TACR1: variants seen among roughly 807,000 people sequenced by gnomAD.
The protein encoded by TACR1 is substance-P receptor.
In TACR1, 25 loss-of-function variants were observed where a neutral mutation model predicts 35.8. The observed-to-expected ratio is 0.70, with a 90% CI of 0.51 to 0.98. The LOEUF is 0.98. TACR1 is among the 50% of genes least tolerant of loss of function. TACR1 has a pLI of 0.00. For synonymous variants in TACR1, 195 were observed against 206.7 expected (o/e 0.94, Z 0.48); for missense variants, 478 against 522.9 (o/e 0.91, Z 0.84).
intron 1 of TACR1, among the ~76,000 whole-genome samples, chr2:75,163,386 A>G (rs1327794889): frequency 6.6e-6 from 1 of 152,240 alleles, no homozygotes; most frequent in African/African-American, 2.4e-5. Context: ...GAATCAGTTC[A>G]CAGCAGTACA....
At chr2:75,171,940 G>A (rs554637666) in intron 1 of TACR1, among the ~76,000 whole-genome samples, 12 of 152,238 alleles carry the variant, frequency 7.9e-5, no homozygotes, top group East Asian at 1.9e-4. Context: ...TGAAGTGAGC[G>A]AAGACTTTGG....
At chr2:75,094,838 C>CATATATATATATATATATATAT (rs770472061) in intron 2 of TACR1, among the ~76,000 whole-genome samples, 21 of 119,822 alleles carry the variant, frequency 1.8e-4, no homozygotes, top group African/African-American at 8.8e-4. Context: ...GAAGCAGAAA[C>CATATATATATATATATATATAT]ATATATATAT....
chr2:75,076,133 G>C (rs950839472), intron 2 of TACR1, among the ~76,000 whole-genome samples: 2 of 152,142 alleles, frequency 1.3e-5, no homozygotes, highest in Non-Finnish European at 2.9e-5. Context: ...CCTTCTGTTA[G>C]ACCTTAGTTT....
rs71939246 is a variant in TACR1 at position 75,078,283 on chromosome 2, G to GT, written c.585-24529dup. On this transcript the variant is annotated intron_variant, in intron 2 of 4. Transcript: ENST00000305249. ...CTCTTTTGAACTTGGAGTTTTGCATGTTTTTTTTTTTTAAGTTGCATGACC... is the reference window on the plus strand; with the variant it reads ...CTCTTTTGAACTTGGAGTTTTGCATGTTTTTTTTTTTTTAAGTTGCATGACC... Among the ~76,000 whole-genome samples, 1,047 of 144,678 alleles carry GT rather than the reference G, an allele frequency of 7.2e-3. 13 individuals are homozygous for GT. The highest frequency in any genetic ancestry group is 0.019 in the East Asian group (95 of 4,992). The allele number at this position is 144,678 out of a possible 152,430, so 94.9% of individuals were successfully genotyped here. A position where few individuals can be genotyped will look rare whatever the true frequency, so the allele number is the denominator to read the frequency against.
intron 2 of TACR1, among the ~76,000 whole-genome samples, chr2:75,067,229 T>C (rs1672780560): frequency 6.6e-6 from 1 of 152,222 alleles, no homozygotes; most frequent in African/African-American, 2.4e-5. Flanking sequence ...TAAGCCAGGC[T>C]TCCTCAACTT....
At chr2:75,131,401 T>C (rs1016832453) in intron 1 of TACR1, among the ~76,000 whole-genome samples, 14 of 152,300 alleles carry the variant, frequency 9.2e-5, no homozygotes, top group African/African-American at 2.6e-4. Flanking sequence ...AATGAGCCAA[T>C]TCTTTAAAAA....
intron 1 of TACR1, among the ~76,000 whole-genome samples, chr2:75,153,865 T>C (rs1031680734): frequency 6.6e-6 from 1 of 152,132 alleles, no homozygotes; most frequent in East Asian, 1.9e-4. Flanking sequence ...GTCATCAGTG[T>C]ACTCTAAGTA....
chr2:75,072,635 C>G (rs1433853751), intron 2 of TACR1, among the ~76,000 whole-genome samples: 1 of 152,210 alleles, frequency 6.6e-6, no homozygotes, highest in Non-Finnish European at 1.5e-5. Context: ...CCAGGGCTTC[C>G]TGGCATCAGA....
At chr2:75,071,366 A>G (rs1234126016) in intron 2 of TACR1, among the ~76,000 whole-genome samples, 2 of 152,222 alleles carry the variant, frequency 1.3e-5, no homozygotes, top group East Asian at 3.8e-4. Context: ...CTCTGGCACC[A>G]ATCCAAATCT....
chr2:75,094,859 A>ATATATATATATATATATTTTTTTTTTTT, intron 2 of TACR1, among the ~76,000 whole-genome samples: 1 of 113,102 alleles, frequency 8.8e-6, no homozygotes, highest in African/African-American at 4.8e-5. Context: ...ATATATATAT[A>ATATATATATATATATATTTTTTTTTTTT]TTTTTTTTTT....
rs1051224632 is a variant in TACR1 at position 75,143,785 on chromosome 2, C to T, written c.390-23017G>A. ...AAGGAGACTGGCTCTGGAGACTGGA[C>T]GCTTACTCACAGCATTGTATTGCCT... On this transcript the variant is annotated intron_variant, in intron 1 of 4. Coordinates refer to ENST00000305249, the MANE Select transcript of TACR1 (RefSeq NM_001058.4). Among the ~76,000 whole-genome samples, 17 of 152,316 alleles carry T rather than the reference C, an allele frequency of 1.1e-4. No individual in the cohort carries two copies. In the South Asian group the frequency reaches 1.4e-3, roughly 13 times the overall value.
At chr2:75,164,038 C>T (rs1211756767) in intron 1 of TACR1, among the ~76,000 whole-genome samples, 1 of 151,618 alleles carries the variant, frequency 6.6e-6, no homozygotes, top group Non-Finnish European at 1.5e-5. Context: ...ACTAAGAAAG[C>T]AGGAGTGGGC....
intron 2 of TACR1, among the ~76,000 whole-genome samples, chr2:75,084,885 G>T (rs1673162055): frequency 1.3e-5 from 2 of 152,054 alleles, no homozygotes; most frequent in Admixed American, 1.3e-4. Context: ...TTAGCTCCTG[G>T]ATTCATTGAT....
At chr2:75,094,180 G>GA (rs573140525) in intron 2 of TACR1, among the ~76,000 whole-genome samples, 4 of 152,094 alleles carry the variant, frequency 2.6e-5, no homozygotes, top group African/African-American at 9.7e-5. Context: ...ATGCCATGGG[G>GA]AAAAAAGCTC....
chr2:75,150,775 G>T (rs988240786), intron 1 of TACR1, among the ~76,000 whole-genome samples: 27 of 152,186 alleles, frequency 1.8e-4, no homozygotes, highest in Non-Finnish European at 2.6e-4. Context: ...GTTTGGGAGG[G>T]CTCAGAAGAA....
At chr2:75,085,897 C>G (rs920322658) in intron 2 of TACR1, among the ~76,000 whole-genome samples, 1 of 152,192 alleles carries the variant, frequency 6.6e-6, no homozygotes, top group Admixed American at 6.5e-5. Flanking sequence ...TTTATGTACA[C>G]CACTAGTATG....
At chr2:75,155,410 C>CA (rs1674821025) in intron 1 of TACR1, among the ~76,000 whole-genome samples, 1 of 152,108 alleles carries the variant, frequency 6.6e-6, no homozygotes, top group African/African-American at 2.4e-5. Flanking sequence ...CCTTTGCTTA[C>CA]ATGCCCTTCT....
intron 1 of TACR1, among the ~76,000 whole-genome samples, chr2:75,177,259 C>A (rs1396770032): frequency 6.6e-6 from 1 of 152,168 alleles, no homozygotes; most frequent in Non-Finnish European, 1.5e-5. Context: ...GTTCGTTGGA[C>A]CTTTTCACCC....
At position 75,059,397 on chromosome 2, in the gene TACR1, T is replaced by C. The variant is rs1243824991; in HGVS notation, c.585-5642A>G. Among the ~76,000 whole-genome samples, 3 of 152,218 alleles carry C rather than the reference T, an allele frequency of 2.0e-5. No homozygotes were observed. In the East Asian group the frequency reaches 5.8e-4, roughly 29 times the overall value. On this transcript the variant is annotated intron_variant, in intron 2 of 4. Coordinates refer to ENST00000305249, the MANE Select transcript of TACR1 (RefSeq NM_001058.4). ...TGTGTATGTTCAAGTTGGAAGCACA[T>C]AGCTCTTGGTCTTGGTTGCACATTG...
Sources: gnomAD v4.1 joint callset for allele counts (sites outside exome capture counted in the v4.1 genomes callset) on GRCh38, gnomAD v4.1.1 for gene constraint, MANE v1.5 for transcripts, NCBI Gene and HGNC (gene_info 2026-07-23, HGNC 2026-07-21) for gene names.